Variants in PGAP4 observed in about 807,000 individuals in gnomAD.
The protein encoded by PGAP4 is GPI-N-acetylgalactosamine transferase PGAP4.
A neutral mutation model predicts 28.2 loss-of-function variants in PGAP4; 12 were observed. The ratio of observed to expected loss-of-function variants is 0.42; its 90% CI spans 0.27 to 0.69. PGAP4 has a LOEUF of 0.69. Ranked by LOEUF, PGAP4 falls within the 30% of genes least tolerant of loss-of-function variation. The pLI is 0.22. For missense variants in PGAP4, 425 were observed against 513.5 expected (o/e 0.83, Z 1.67); for synonymous variants, 205 against 211.8 (o/e 0.97, Z 0.28).
chr9:101,485,015 T>C (rs1826580642), intron 1 of PGAP4, among the ~76,000 whole-genome samples: 1 of 152,210 alleles, frequency 6.6e-6, no homozygotes, highest in Admixed American at 6.5e-5. Flanking sequence ...GAGTCTTGTG[T>C]TAGACACTGG....
chr9:101,495,770 G>A lies in PGAP4; in HGVS notation c.-164-6570C>T, dbSNP rs1215084241. Reference sequence around the variant, plus strand: ...TAATCCAAAACCTAGTAAATTCAATGCAGCAATTATCTTAATAAAACATAA... The same window carrying A: ...TAATCCAAAACCTAGTAAATTCAATACAGCAATTATCTTAATAAAACATAA... On this transcript the variant is annotated intron_variant, in intron 2 of 3. Coordinates refer to the PGAP4 transcript ENST00000374851. Among the ~76,000 whole-genome samples the A allele has an allele frequency of 2.0e-5, 3 of 150,328 alleles. 1 individual carries two copies. The highest frequency in any genetic ancestry group is 3.0e-5 in the Non-Finnish European group (2 of 67,236).
rs778268974 is a variant in PGAP4 at position 101,476,960 on chromosome 9, G to A, written c.133C>T (p.Arg45Ter). 4 of 1,613,994 alleles carry A rather than the reference G, an allele frequency of 2.5e-6. No homozygotes were observed. The highest frequency in any genetic ancestry group is 1.3e-5 in the African/African-American group (1 of 74,920). The stretch of plus-strand genomic sequence containing the variant: ...AGATAGAAGTAAGAGTGTAGAAGTC[G>A]GTGACAGGCCAGGGGGGCCAGCAGG... ...FGLLAPLACHRLLHSYFYLRH... is the reference protein window; with the variant it reads ...FGLLAPLACH The change falls in exon 2 of 2, where the codon CGA (arginine) becomes TGA (stop). Residue 45 changes from arginine (R) to a stop codon, truncating the protein, a stop_gained. Transcript: ENST00000374848. LOFTEE classifies it high-confidence loss of function. The surrounding 1 kb of genome is among the most constrained non-coding windows in gnomAD (Gnocchi z 7.0).
chr9:101,492,290 T>C (rs948130378), intron 2 of PGAP4, among the ~76,000 whole-genome samples: 1 of 151,334 alleles, frequency 6.6e-6, no homozygotes, highest in Non-Finnish European at 1.5e-5. Context: ...GCCTCCCGGG[T>C]TCAAGCGATT....
intron 2 of PGAP4, among the ~76,000 whole-genome samples, chr9:101,519,815 T>G (rs1243276681): frequency 1.3e-5 from 2 of 151,900 alleles, no homozygotes; most frequent in Non-Finnish European, 2.9e-5. Flanking sequence ...TCTAGAAGGG[T>G]TTTTCCAATG....
intron 2 of PGAP4, among the ~76,000 whole-genome samples, chr9:101,493,396 C>T (rs1826709783): frequency 6.6e-6 from 1 of 152,102 alleles, no homozygotes; most frequent in South Asian, 2.1e-4. Context: ...GTTTAGCAGT[C>T]AGCCATGGAT....
chr9:101,528,193 C>A (rs1160178343), intron 2 of PGAP4, among the ~76,000 whole-genome samples: 2 of 152,094 alleles, frequency 1.3e-5, no homozygotes, highest in Non-Finnish European at 2.9e-5. Flanking sequence ...TTTTTAAGTG[C>A]CTTCTAGAAT....
chr9:101,509,952 G>A (rs1484732372), intron 2 of PGAP4, among the ~76,000 whole-genome samples: 1 of 152,136 alleles, frequency 6.6e-6, no homozygotes, highest in East Asian at 1.9e-4. Context: ...GAATAGTTCT[G>A]CAGCCATAGT....
rs971384172 is a variant in PGAP4 at position 101,475,336 on chromosome 9, C to T, written c.*545G>A. The T allele has an allele frequency of 2.5e-5, 4 of 156,950 alleles. No homozygotes were observed. Among genetic ancestry groups the T allele is most frequent in the Middle Eastern group, 3.2e-3 (1 of 316 alleles). 9.7% of individuals were successfully genotyped at this position (156,950 alleles called of 1,614,324 possible). ...GCCAGATCACCTGCCTCCAAGATGC[C>T]GGGCACTGCACGGCTTTTATCAGTT... On this transcript the variant is annotated 3_prime_UTR_variant, in exon 2 of 2. Transcript: ENST00000374848.
At chr9:101,528,754 T>C (rs913708727) in intron 2 of PGAP4, among the ~76,000 whole-genome samples, 2 of 150,530 alleles carry the variant, frequency 1.3e-5, no homozygotes, top group Admixed American at 1.3e-4. Context: ...CATAGGGACA[T>C]AAAAGACCAA....
At chr9:101,512,011 C>G (rs1226324066) in intron 2 of PGAP4, among the ~76,000 whole-genome samples, 1 of 152,142 alleles carries the variant, frequency 6.6e-6, no homozygotes, top group Non-Finnish European at 1.5e-5. Context: ...TGAGGACACT[C>G]TAACCTGTGA....
intron 2 of PGAP4, among the ~76,000 whole-genome samples, chr9:101,511,383 T>C (rs752697878): frequency 2.0e-5 from 3 of 152,080 alleles, no homozygotes; most frequent in Non-Finnish European, 1.5e-5. Flanking sequence ...TAAGCAGGGG[T>C]TGGGGATCCC....
chr9:101,509,855 G>A (rs756224810), intron 2 of PGAP4, among the ~76,000 whole-genome samples: 20 of 147,584 alleles, frequency 1.4e-4, no homozygotes, highest in Admixed American at 3.3e-4. Context: ...CCAGAAAGCC[G>A]TCCAGTCATG....
chr9:101,484,299 G>A (rs958484116), intron 1 of PGAP4, among the ~76,000 whole-genome samples: 6 of 152,110 alleles, frequency 3.9e-5, no homozygotes, highest in Non-Finnish European at 8.8e-5. Context: ...GGGTGGGAGG[G>A]TGGAAGGAAG....
At chr9:101,503,629 T>C (rs552192608) in intron 2 of PGAP4, among the ~76,000 whole-genome samples, 1 of 152,134 alleles carries the variant, frequency 6.6e-6, no homozygotes, top group South Asian at 2.1e-4. Flanking sequence ...TCAAGGTCTT[T>C]CATAAAAGAA....
chr9:101,498,971 A>C (rs1382469088), intron 2 of PGAP4, among the ~76,000 whole-genome samples: 1 of 151,936 alleles, frequency 6.6e-6, no homozygotes, highest in Non-Finnish European at 1.5e-5. Flanking sequence ...GTGTTCACAA[A>C]ATTTTAACCC....
upstream of PGAP4, among the ~76,000 whole-genome samples, chr9:101,491,587 A>T (rs1045776070): frequency 6.6e-6 from 1 of 152,190 alleles, no homozygotes; most frequent in East Asian, 1.9e-4. Context: ...CCTGATTCAG[A>T]TCAAAATATT....
At position 101,519,334 on chromosome 9, in the gene PGAP4, A is replaced by G. The variant is rs554080532; in HGVS notation, c.-165+12014T>C. 1.8e-4 allele frequency among the ~76,000 whole-genome samples: 28 copies of G among 151,774 alleles called. No homozygotes were observed. The East Asian group carries it at 5.4e-3, about 29-fold the overall frequency. Reference sequence around the variant, plus strand: ...TGCCATGCCCAGCTAATTTTTTTGTATGTTAGTCGAGACGGGGTTTCACTG... The same window carrying G: ...TGCCATGCCCAGCTAATTTTTTTGTGTGTTAGTCGAGACGGGGTTTCACTG... On this transcript the variant is annotated intron_variant, in intron 2 of 3. Transcript: ENST00000374851.
intron 2 of PGAP4, among the ~76,000 whole-genome samples, chr9:101,498,608 T>G (rs1826772141): frequency 6.6e-6 from 1 of 151,174 alleles, no homozygotes; most frequent in African/African-American, 2.4e-5. Flanking sequence ...AAGAAAAAAA[T>G]AGAGAGACAT....
At chr9:101,501,164 T>C (rs1826794978) in intron 2 of PGAP4, among the ~76,000 whole-genome samples, 1 of 152,082 alleles carries the variant, frequency 6.6e-6, no homozygotes, top group South Asian at 2.1e-4. Context: ...GAAGCCACAT[T>C]ACCATTCCTC....
Sources: gnomAD v4.1 joint callset for allele counts (sites outside exome capture counted in the v4.1 genomes callset) on GRCh38, gnomAD v4.1.1 for gene constraint, Gnocchi (gnomAD v3.1) non-coding constraint, MANE v1.5 for transcripts, NCBI Gene and HGNC (gene_info 2026-07-23, HGNC 2026-07-21) for gene names.